DYNC2I1: variants seen among roughly 807,000 people sequenced by gnomAD.
The protein encoded by DYNC2I1 is cytoplasmic dynein 2 intermediate chain 1.
DYNC2I1 carries 89 observed loss-of-function variants against 133.4 expected under a neutral mutation model. That is an observed-to-expected ratio of 0.67 (90% CI 0.56 to 0.80). The LOEUF (loss-of-function observed/expected upper bound fraction) is 0.80. Ranked by LOEUF, DYNC2I1 falls within the 30% of genes least tolerant of loss-of-function variation. The pLI is 0.00. For synonymous variants in DYNC2I1, 504 were observed against 484.3 expected, an observed-to-expected ratio of 1.04 and a Z score of -0.54; for missense variants, 1,291 against 1,314.5, an observed-to-expected ratio of 0.98 and a Z score of 0.28.
intron 11 of DYNC2I1, among the ~76,000 whole-genome samples, chr7:158,909,890 C>T (rs1012404068): frequency 1.3e-5 from 2 of 152,068 alleles, no homozygotes; most frequent in Admixed American, 6.6e-5. Flanking sequence ...AGGTTTTGGT[C>T]GAGCCTCCTG....
intron 24 of DYNC2I1, among the ~76,000 whole-genome samples, chr7:158,944,216 G>T (rs1851662580): frequency 6.6e-6 from 1 of 152,144 alleles, no homozygotes; most frequent in African/African-American, 2.4e-5. Flanking sequence ...CAGCACGGGA[G>T]GTGGCAGGAG....
upstream of DYNC2I1, among the ~76,000 whole-genome samples, chr7:158,851,664 A>G (rs1841063573): frequency 6.6e-6 from 1 of 152,174 alleles, no homozygotes; most frequent in South Asian, 2.1e-4. Context: ...TTTCCACACA[A>G]GTTGATCTTA....
intron 23 of DYNC2I1, 146 bp downstream of exon 23, chr7:158,934,695 C>T (rs1285312125): frequency 1.4e-5 from 11 of 781,670 alleles, no homozygotes; most frequent in Non-Finnish European, 2.2e-5. Flanking sequence ...ACCCTCCCAC[C>T]TCAGCCTCCC....
chr7:158,898,928 A>G (rs1455051187), intron 8 of DYNC2I1, among the ~76,000 whole-genome samples: 1 of 151,068 alleles, frequency 6.6e-6, no homozygotes, highest in African/African-American at 2.4e-5. Flanking sequence ...ATACAAGTCC[A>G]CTTTTGAATA....
At chr7:158,857,520 T>A (rs1841390614) in intron 1 of DYNC2I1, among the ~76,000 whole-genome samples, 1 of 151,610 alleles carries the variant, frequency 6.6e-6, no homozygotes, top group East Asian at 1.9e-4. Flanking sequence ...TATTTTATGT[T>A]ATATAAACCT....
the DYNC2I1 span, among the ~76,000 whole-genome samples, chr7:158,849,174 G>T: frequency 6.6e-6 from 1 of 152,194 alleles, no homozygotes; most frequent in Admixed American, 6.6e-5. Flanking sequence ...AATGGTCTGT[G>T]GGTAGAGAAG....
chr7:158,933,889 G>A lies in DYNC2I1; in HGVS notation c.2547-240G>A, dbSNP rs150281348. Reference sequence around the variant, plus strand: ...CTCTGAAATTTACAACCAAGTGAATGGTTACATAGCAGATTAGATATAGCT... The same window carrying A: ...CTCTGAAATTTACAACCAAGTGAATAGTTACATAGCAGATTAGATATAGCT... On this transcript the variant is annotated intron_variant, in intron 21 of 24. Coordinates refer to ENST00000407559, the MANE Select transcript of DYNC2I1 (RefSeq NM_018051.5). Among the ~76,000 whole-genome samples the A allele has an allele frequency of 3.5e-3, 534 of 152,286 alleles. 9 individuals are homozygous for A. Among genetic ancestry groups the A allele is most frequent in the African/African-American group, 0.012 (483 of 41,566 alleles).
intron 3 of DYNC2I1, among the ~76,000 whole-genome samples, chr7:158,872,946 A>C (rs1328297494): frequency 2.6e-5 from 4 of 151,586 alleles, no homozygotes; most frequent in Non-Finnish European, 5.9e-5. Context: ...AGCTGAGATC[A>C]CGCCACTACA....
intron 2 of DYNC2I1, 150 bp downstream of exon 2, chr7:158,870,058 T>A: frequency 1.5e-6 from 1 of 663,564 alleles, no homozygotes; most frequent in Non-Finnish European, 2.6e-6. Flanking sequence ...GGTGTACGGC[T>A]AACAATCCCT....
In DYNC2I1 at chr7:158,879,724, G is replaced by A; in HGVS notation, c.614G>A (p.Trp205Ter). 1 of 1,598,650 alleles carries A rather than the reference G, an allele frequency of 6.3e-7. No homozygotes were observed. Among genetic ancestry groups the A allele is most frequent in the Non-Finnish European group, 8.5e-7 (1 of 1,176,152 alleles). Residue 205 changes from tryptophan (W) to a stop codon, truncating the protein, a stop_gained, in exon 5 of 25, where the codon TGG becomes TAG. Transcript: ENST00000407559. LOFTEE classifies it high-confidence loss of function. The stretch of plus-strand genomic sequence containing the variant: ...AGCAAGGACAACCCTCTCAAGTACT[G>A]GCTTTATAAAGAAGAAGGCGAGAGG... ...GDSKDNPLKY[W>*]LYKEEGERRH...
At chr7:158,908,997 A>G (rs1371554123) in intron 11 of DYNC2I1, among the ~76,000 whole-genome samples, 2 of 152,180 alleles carry the variant, frequency 1.3e-5, no homozygotes, top group African/African-American at 2.4e-5. Flanking sequence ...AAACAATGGG[A>G]TGAATTTTTC....
intron 9 of DYNC2I1, 77 bp downstream of exon 9, chr7:158,901,893 A>T: frequency 8.9e-7 from 1 of 1,120,322 alleles, no homozygotes; most frequent in Non-Finnish European, 1.3e-6. Context: ...TAGTAATTTG[A>T]TGTCCTTTTT....
At chr7:158,861,445 G>A (rs1413120638) in intron 1 of DYNC2I1, among the ~76,000 whole-genome samples, 2 of 152,118 alleles carry the variant, frequency 1.3e-5, no homozygotes, top group Non-Finnish European at 2.9e-5. Flanking sequence ...GAGCTCAGCT[G>A]TTTCCCGTCC....
chr7:158,919,511 G>A (rs1328667727), intron 15 of DYNC2I1, among the ~76,000 whole-genome samples: 1 of 152,236 alleles, frequency 6.6e-6, no homozygotes, highest in Non-Finnish European at 1.5e-5. Flanking sequence ...CCGGAGGGCA[G>A]CCATGGTCCC....
At position 158,915,648 on chromosome 7, in the gene DYNC2I1, G is replaced by C. The variant is rs1430784203; in HGVS notation, c.1791+1327G>C. ...GTTGACAGGATGATTGTGAAACCTCGACACGGTGGTTGACATTAAGGATGA... is the reference window on the plus strand; with the variant it reads ...GTTGACAGGATGATTGTGAAACCTCCACACGGTGGTTGACATTAAGGATGA... On this transcript the variant is annotated intron_variant, in intron 14 of 24. Coordinates refer to ENST00000407559, the MANE Select transcript of DYNC2I1 (RefSeq NM_018051.5). Among the ~76,000 whole-genome samples the C allele has an allele frequency of 2.3e-5, 3 of 130,650 alleles. No homozygotes were observed. The East Asian group carries it at 6.4e-4, about 28-fold the overall frequency. The allele number at this position is 130,650 out of a possible 152,430, so 85.7% of individuals were successfully genotyped here.
chr7:158,866,884 CAAA>C (rs532567555), intron 1 of DYNC2I1, among the ~76,000 whole-genome samples: 9 of 132,326 alleles, frequency 6.8e-5, no homozygotes, highest in African/African-American at 2.5e-4. Context: ...GGCTCCGTCT[CAAA>C]AAAAAAAAAA....
chr7:158,876,018 G>A (rs1446508599), intron 3 of DYNC2I1, among the ~76,000 whole-genome samples: 1 of 152,192 alleles, frequency 6.6e-6, no homozygotes, highest in Non-Finnish European at 1.5e-5. Context: ...TAGTGTACGA[G>A]TCTGTCCTCA....
intron 6 of DYNC2I1, 143 bp downstream of exon 6, chr7:158,884,762 T>A: frequency 1.4e-6 from 1 of 715,236 alleles, no homozygotes; most frequent in Non-Finnish European, 2.0e-6. Context: ...ATTTTACCCC[T>A]TAGCCCCTCC....
upstream of DYNC2I1, among the ~76,000 whole-genome samples, chr7:158,852,426 C>T (rs1051018172): frequency 3.3e-5 from 5 of 151,250 alleles, no homozygotes; most frequent in Non-Finnish European, 7.4e-5. Context: ...GGCCTGTAAG[C>T]GCTGGTTTTG....
Sources: allele counts gnomAD v4.1 joint callset (sites outside exome capture counted in the v4.1 genomes callset), GRCh38; gene constraint gnomAD v4.1.1; transcripts MANE v1.5; gene names NCBI Gene and HGNC (gene_info 2026-07-23, HGNC 2026-07-21).